Variants in MYOCOS observed in about 807,000 individuals in gnomAD.
The protein encoded by MYOCOS is myocilin opposite strand protein.
At chr1:171,605,567 A>AT in intron 1 of MYOCOS, among the ~76,000 whole-genome samples, 1 of 152,246 alleles carries the variant, frequency 6.6e-6, no homozygotes, top group Non-Finnish European at 1.5e-5. Context: ...AAGCTGCCTG[A>AT]TCAGTGGACA....
intron 1 of MYOCOS, among the ~76,000 whole-genome samples, chr1:171,602,098 G>C (rs1357946674): frequency 6.6e-6 from 1 of 151,686 alleles, no homozygotes; most frequent in Non-Finnish European, 1.5e-5. Context: ...AAAGGGGGGA[G>C]GCAGAATTTA....
intron 1 of MYOCOS, among the ~76,000 whole-genome samples, chr1:171,613,453 AG>A (rs1652388072): frequency 6.6e-6 from 1 of 152,186 alleles, no homozygotes; most frequent in African/African-American, 2.4e-5. Flanking sequence ...GAGGTTTCCA[AG>A]TATGTTAGCC....
intron 2 of MYOCOS, among the ~76,000 whole-genome samples, chr1:171,616,986 C>T (rs1652461047): frequency 6.6e-6 from 1 of 152,148 alleles, no homozygotes; most frequent in Non-Finnish European, 1.5e-5. Flanking sequence ...AGAAAGAGAA[C>T]CAAAGCTGTC....
At chr1:171,619,861 G>T (rs1012442941), upstream of MYOCOS, among the ~76,000 whole-genome samples, 4 of 149,686 alleles carry the variant, frequency 2.7e-5, no homozygotes, top group African/African-American at 9.8e-5. Flanking sequence ...AAAAGGAAAA[G>T]AAATCATTAC....
At chr1:171,613,539 G>A (rs1016026899) in intron 1 of MYOCOS, among the ~76,000 whole-genome samples, 22 of 149,692 alleles carry the variant, frequency 1.5e-4, no homozygotes, top group Non-Finnish European at 3.0e-4. Flanking sequence ...AACATTCTCT[G>A]TGATGCATTT....
At chr1:171,612,676 A>C (rs958388633) in intron 1 of MYOCOS, among the ~76,000 whole-genome samples, 2 of 151,982 alleles carry the variant, frequency 1.3e-5, no homozygotes, top group Admixed American at 6.5e-5. Context: ...AAATACAAAA[A>C]AAAATTAGCC....
At chr1:171,625,026 T>C (rs1161278913) in intron 2 of MYOCOS, among the ~76,000 whole-genome samples, 1 of 152,228 alleles carries the variant, frequency 6.6e-6, no homozygotes, top group African/African-American at 2.4e-5. Flanking sequence ...CATCTAATGT[T>C]GTTTACAATG....
intron 1 of MYOCOS, among the ~76,000 whole-genome samples, chr1:171,609,368 C>G (rs1226006718): frequency 6.6e-6 from 1 of 152,178 alleles, no homozygotes; most frequent in Non-Finnish European, 1.5e-5. Context: ...CTACTGGTCT[C>G]TTGACAAGAT....
At chr1:171,618,700 C>T (rs867773239), upstream of MYOCOS, among the ~76,000 whole-genome samples, 1 of 152,134 alleles carries the variant, frequency 6.6e-6, no homozygotes, top group Non-Finnish European at 1.5e-5. Context: ...CTCTGCCTCC[C>T]GAGTAGCTGG....
chr1:171,621,159 T>G (rs1652560816), upstream of MYOCOS, among the ~76,000 whole-genome samples: 1 of 152,092 alleles, frequency 6.6e-6, no homozygotes, highest in South Asian at 2.1e-4. Context: ...CTTGGGCACG[T>G]GTTCTCAGGA....
At chr1:171,608,503 C>T (rs1260125616) in intron 1 of MYOCOS, among the ~76,000 whole-genome samples, 2 of 146,896 alleles carry the variant, frequency 1.4e-5, no homozygotes, top group African/African-American at 2.6e-5. Flanking sequence ...CTGCAAGCTC[C>T]GCCTCCCGAG....
At chr1:171,610,217 G>C (rs1652331745) in intron 1 of MYOCOS, among the ~76,000 whole-genome samples, 1 of 152,204 alleles carries the variant, frequency 6.6e-6, no homozygotes, top group African/African-American at 2.4e-5. Context: ...GTGAATAACA[G>C]GAGTCAGGGA....
upstream of MYOCOS, among the ~76,000 whole-genome samples, chr1:171,619,074 C>T (rs1652506254): frequency 6.6e-6 from 1 of 152,128 alleles, no homozygotes; most frequent in South Asian, 2.1e-4. Context: ...TTTTCTATTG[C>T]TTCTAAAGTA....
chr1:171,625,827 T>C (rs1407810254), intron 2 of MYOCOS, among the ~76,000 whole-genome samples: 1 of 152,026 alleles, frequency 6.6e-6, no homozygotes, highest in Middle Eastern at 3.2e-3. Context: ...GAAAGCTAAT[T>C]GATGGGAAGA....
At chr1:171,605,848 A>G (rs1652234919) in intron 1 of MYOCOS, among the ~76,000 whole-genome samples, 1 of 152,202 alleles carries the variant, frequency 6.6e-6, no homozygotes, top group Non-Finnish European at 1.5e-5. Context: ...AATTATTACT[A>G]ATAAAACCGG....
intron 1 of MYOCOS, among the ~76,000 whole-genome samples, chr1:171,604,688 G>C (rs186280056): frequency 9.9e-5 from 15 of 152,272 alleles, no homozygotes; most frequent in Non-Finnish European, 2.2e-4. Flanking sequence ...CATAGGATAG[G>C]ATGCGGTTCT....
At chr1:171,606,205 C>T (rs1198376111) in intron 1 of MYOCOS, among the ~76,000 whole-genome samples, 1 of 152,152 alleles carries the variant, frequency 6.6e-6, no homozygotes, top group Non-Finnish European at 1.5e-5. Flanking sequence ...GATAAAAAAG[C>T]TTCATCGCTA....
At chr1:171,624,442 A>G (rs915811339) in intron 2 of MYOCOS, among the ~76,000 whole-genome samples, 18 of 150,428 alleles carry the variant, frequency 1.2e-4, no homozygotes, top group African/African-American at 4.4e-4. Context: ...GTTAATTATT[A>G]TTATTATTAT....
intron 1 of MYOCOS, among the ~76,000 whole-genome samples, chr1:171,607,002 G>A (rs1227926961): frequency 6.6e-6 from 1 of 150,728 alleles, no homozygotes; most frequent in Non-Finnish European, 1.5e-5. Flanking sequence ...GCTGAGGCAG[G>A]AGAATTTCTT....
Sources: allele counts gnomAD v4.1 joint callset (sites outside exome capture counted in the v4.1 genomes callset), GRCh38; gene constraint gnomAD v4.1.1; transcripts MANE v1.5; gene names NCBI Gene and HGNC (gene_info 2026-07-23, HGNC 2026-07-21).